The following BRF1 variants were observed in gnomAD, a reference collection of about 807,000 sequenced individuals.
BRF1 encodes the protein BRF1 general transcription factor IIIB subunit, also known as transcription factor IIIB 90 kDa subunit.
In BRF1, 59 loss-of-function variants were observed where a neutral mutation model predicts 81.7. The observed-to-expected ratio is 0.72, with a 90% CI of 0.59 to 0.90. The LOEUF is 0.90. Among genes scored for constraint, BRF1 ranks in the 40% least tolerant of loss-of-function variants. BRF1 has a pLI of 0.00. For missense variants in BRF1, 1,050 were observed against 936.3 expected, an observed-to-expected ratio of 1.12 and a Z score of -1.58; for synonymous variants, 491 against 395.6, an observed-to-expected ratio of 1.24 and a Z score of -2.86.
In BRF1 at chr14:105,246,230, G is replaced by A. The variant is rs587681185; in HGVS notation, c.545-4816C>T. Among the ~76,000 whole-genome samples the A allele has an allele frequency of 1.0e-3, 154 of 151,766 alleles. 1 individual carries two copies. The highest frequency in any genetic ancestry group is 5.8e-3 in the Admixed American group (89 of 15,218). On this transcript the variant is annotated intron_variant, in intron 5 of 17. Transcript: ENST00000547530. ...GTAAGACTCTGTCTCAAAAAAAAAA[G>A]GCAAAGCCCTTGAACAGACGTTTCT...
At position 105,226,618 on chromosome 14, in the gene BRF1, C is replaced by A. The variant is rs1024907907; in HGVS notation, c.915+16G>T. ...CTGGCAAGCCCAGCACAGACAGACA[C>A]CAAAGCCGGCGCTACCTGCTTCATC... On this transcript the variant is annotated intron_variant, in intron 8 of 17. Transcript: ENST00000547530. 2 of 1,612,670 alleles carry A rather than the reference C, an allele frequency of 1.2e-6. No homozygotes were observed. Among genetic ancestry groups the A allele is most frequent in the African/African-American group, 2.7e-5 (2 of 74,946 alleles).
At chr14:105,229,673 C>T (rs1236473688) in intron 6 of BRF1, among the ~76,000 whole-genome samples, 18 of 149,512 alleles carry the variant, frequency 1.2e-4, no homozygotes, top group South Asian at 4.2e-4. Flanking sequence ...CCGTGGCACC[C>T]TCAGGAGCAA....
At chr14:105,241,175 T>C (rs1378857855) in intron 6 of BRF1, 90 bp downstream of exon 6, 9 of 1,552,932 alleles carry the variant, frequency 5.8e-6, no homozygotes, top group Non-Finnish European at 7.8e-6. Flanking sequence ...TCTGCAAACA[T>C]ACGGCCCAGC....
At chr14:105,287,384 T>C (rs760017232) in intron 1 of BRF1, among the ~76,000 whole-genome samples, 49 of 152,042 alleles carry the variant, frequency 3.2e-4, no homozygotes, top group Non-Finnish European at 5.7e-4. Flanking sequence ...GCCCCAGGCA[T>C]GCCCAAAGAT....
At chr14:105,304,359 G>A (rs587644659), upstream of BRF1, among the ~76,000 whole-genome samples, 383 of 152,206 alleles carry the variant, frequency 2.5e-3, 2 homozygotes, top group African/African-American at 8.8e-3. Context: ...GTGATGGTGG[G>A]CGCCTGTAGT....
At chr14:105,250,279 G>A (rs1245085721) in intron 5 of BRF1, 1 of 1,613,020 alleles carries the variant, frequency 6.2e-7, no homozygotes, top group Non-Finnish European at 8.5e-7. Flanking sequence ...GGTACCGCGG[G>A]CGCTGCGACA....
chr14:105,267,513 T>C (rs1261198084), intron 3 of BRF1, among the ~76,000 whole-genome samples: 1 of 152,032 alleles, frequency 6.6e-6, no homozygotes, highest in Non-Finnish European at 1.5e-5. Context: ...GGTTTCACCA[T>C]GTTGCCCAAG....
intron 2 of BRF1, among the ~76,000 whole-genome samples, chr14:105,280,687 C>T (rs773798288): frequency 3.3e-5 from 5 of 150,312 alleles, no homozygotes; most frequent in East Asian, 2.0e-4. Flanking sequence ...CCCGGCTGTG[C>T]GGTGAAGGCT....
chr14:105,275,517 G>C (rs1036931501), intron 2 of BRF1, among the ~76,000 whole-genome samples: 9 of 152,252 alleles, frequency 5.9e-5, no homozygotes, highest in African/African-American at 2.2e-4. Context: ...GGCCCAGCAA[G>C]GCCCAGAGGG....
Position 105,280,757 on chromosome 14 carries a change from G to A in BRF1, c.265+5539C>T, listed in dbSNP as rs587677099. Among the ~76,000 whole-genome samples the A allele has an allele frequency of 2.8e-3, 410 of 148,872 alleles. 1 individual carries two copies. The highest frequency in any genetic ancestry group is 9.6e-3 in the African/African-American group (387 of 40,178). ...CGCGTGACCCTGAGCCCGGGTGTGC[G>A]GATATAGCCCACGTGACCCTGAGCC... On this transcript the variant is annotated intron_variant, in intron 2 of 17. Coordinates refer to ENST00000547530, the MANE Select transcript of BRF1 (RefSeq NM_001519.4).
chr14:105,300,803 C>T lies in BRF1; in HGVS notation c.-174G>A, dbSNP rs2057983012. ...ATTCGCCGCGCGCGCCCGGGCCGCG[C>T]CGCCCGCAACGGCCGCGCCCGCGGG... On this transcript the variant is annotated 5_prime_UTR_variant, in exon 1 of 18. Transcript: ENST00000547530. 3.5e-6 allele frequency: 1 copy of T among 289,094 alleles called. No homozygotes were observed. The highest frequency in any genetic ancestry group is 5.5e-6 in the Non-Finnish European group (1 of 182,178). 17.9% of individuals were successfully genotyped at this position (289,094 alleles called of 1,614,324 possible).
At chr14:105,256,642 G>C in intron 3 of BRF1, 93 bp from the exon 4 acceptor site, 1 of 1,535,590 alleles carries the variant, frequency 6.5e-7, no homozygotes, top group South Asian at 1.2e-5. Flanking sequence ...TGCACCTGCA[G>C]GGAGCTGGAG....
At chr14:105,304,352 A>T (rs1051904282), upstream of BRF1, among the ~76,000 whole-genome samples, 1 of 151,980 alleles carries the variant, frequency 6.6e-6, no homozygotes, top group African/African-American at 2.4e-5. Context: ...AGCAGGTGTG[A>T]TGGTGGGCGC....
intron 5 of BRF1, among the ~76,000 whole-genome samples, chr14:105,246,410 C>T (rs2055110458): frequency 6.8e-6 from 1 of 147,806 alleles, no homozygotes; most frequent in Non-Finnish European, 1.5e-5. Context: ...GGCGCGGTGG[C>T]TCACACCTGT....
Position 105,269,360 on chromosome 14 carries a change from G to C in BRF1, c.439+3361C>G, listed in dbSNP as rs67579680. 0.035 allele frequency among the ~76,000 whole-genome samples: 5,397 copies of C among 152,238 alleles called. 172 individuals are homozygous for C. Among genetic ancestry groups the C allele is most frequent in the African/African-American group, 0.085 (3,538 of 41,524 alleles). The stretch of plus-strand genomic sequence containing the variant: ...GGGGATAGAGTGCGGCCTCCCGTGA[G>C]CACAGTCCTGTTCCAAGCTGTCTTG... On this transcript the variant is annotated intron_variant, in intron 3 of 17. Transcript: ENST00000547530. This position sits in a 1 kb window ranked among gnomAD's most constrained non-coding sequence, Gnocchi z 5.0.
At chr14:105,252,163 C>T (rs970077769) in intron 5 of BRF1, among the ~76,000 whole-genome samples, 13 of 152,192 alleles carry the variant, frequency 8.5e-5, no homozygotes, top group African/African-American at 3.1e-4. Context: ...TGACAACAGG[C>T]CTTCTGGTTT....
intron 11 of BRF1, 101 bp from the exon 12 acceptor site, chr14:105,220,231 G>A (rs1892058198): frequency 1.4e-6 from 2 of 1,387,994 alleles, no homozygotes; most frequent in South Asian, 1.2e-5. Context: ...TGGGCTAAGG[G>A]CTTTCTAGAA....
At chr14:105,241,683 C>G in intron 5 of BRF1, 1 of 521,570 alleles carries the variant, frequency 1.9e-6, no homozygotes, top group Non-Finnish European at 3.5e-6. Context: ...GCATGGCCGC[C>G]CTGCTCAGGA....
At chr14:105,263,594 G>A (rs1326842052) in intron 3 of BRF1, among the ~76,000 whole-genome samples, 2 of 144,498 alleles carry the variant, frequency 1.4e-5, no homozygotes, top group Admixed American at 6.7e-5. Context: ...AACTGGATCA[G>A]AGTGAGCTAC....
Sources: allele counts gnomAD v4.1 joint callset (sites outside exome capture counted in the v4.1 genomes callset), GRCh38; gene constraint gnomAD v4.1.1; non-coding constraint Gnocchi (gnomAD v3.1); transcripts MANE v1.5; gene names NCBI Gene and HGNC (gene_info 2026-07-23, HGNC 2026-07-21).